The following SCGB1A1 variants were observed in gnomAD, a reference collection of about 807,000 sequenced individuals.
SCGB1A1 encodes uteroglobin.
SCGB1A1 carries 8 observed loss-of-function variants against 7.5 expected under a neutral mutation model. The observed-to-expected ratio is 1.07, with a 90% confidence interval of 0.63 to 1.92. SCGB1A1 has a LOEUF of 1.92. Ranked by LOEUF, SCGB1A1 falls within the 30% of genes most tolerant of loss-of-function variation. The pLI, the probability that SCGB1A1 is intolerant of heterozygous loss-of-function variation, is 0.00. For synonymous variants in SCGB1A1, 44 were observed against 40.8 expected (o/e 1.08, Z -0.30); for missense variants, 121 against 112.7 (o/e 1.07, Z -0.33).
chr11:62,422,562 C>A (rs1052116027), intron 2 of SCGB1A1, among the ~76,000 whole-genome samples, 154 bp downstream of exon 2: 2 of 147,770 alleles, frequency 1.4e-5, no homozygotes, highest in Non-Finnish European at 3.0e-5. Context: ...TTCTAGACAT[C>A]TCCTCTTCCT....
intron 2 of SCGB1A1, 103 bp from the exon 3 acceptor site, chr11:62,422,956 C>A: frequency 9.2e-7 from 1 of 1,082,438 alleles, no homozygotes. Context: ...GACTGCACCT[C>A]TCGGTTAATG....
chr11:62,420,406 C>T (rs1333928278), intron 1 of SCGB1A1, among the ~76,000 whole-genome samples: 2 of 150,662 alleles, frequency 1.3e-5, no homozygotes, highest in Admixed American at 6.6e-5. Context: ...CTCCGCCTCC[C>T]GGGTTCAAGC....
At position 62,422,231 on chromosome 11, in the gene SCGB1A1, G is replaced by C. The variant is rs1398625301; in HGVS notation, c.66G>C (p.Glu22Asp). 9 of 1,611,768 alleles carry C rather than the reference G, an allele frequency of 5.6e-6. No individual in the cohort carries two copies. The highest frequency in any genetic ancestry group is 7.6e-6 in the Non-Finnish European group (9 of 1,178,454). Residue 22 changes from glutamate (E) to aspartate (D), a missense_variant, in exon 2 of 3, where the codon GAG (glutamate) becomes GAC (aspartate). By Grantham distance (45) the Glu-to-Asp change is conservative. Coordinates refer to ENST00000278282, the MANE Select transcript of SCGB1A1 (RefSeq NM_003357.5). ...TCCTCTGTGTTGCAGCTTCTGCAGAGATCTGCCCGAGCTTTCAGCGTGTCA... is the reference window on the plus strand; with the variant it reads ...TCCTCTGTGTTGCAGCTTCTGCAGACATCTGCCCGAGCTTTCAGCGTGTCA... ...LALCCSSASA[E>D]ICPSFQRVIE...
In SCGB1A1 at chr11:62,419,070, G is replaced by C; in HGVS notation, c.-26G>C. On this transcript the variant is annotated 5_prime_UTR_variant, in exon 1 of 3. Coordinates refer to ENST00000278282, the MANE Select transcript of SCGB1A1 (RefSeq NM_003357.5). Reference sequence around the variant, plus strand: ...CAGACTCAGAGACGGAACCAGAGACGGGCCAGAGCATCCCCCTCCTCCACC... The same window carrying C: ...CAGACTCAGAGACGGAACCAGAGACCGGCCAGAGCATCCCCCTCCTCCACC... The C allele has an allele frequency of 6.4e-7, 1 of 1,566,764 alleles. No individual in the cohort carries two copies. The highest frequency in any genetic ancestry group is 8.7e-7 in the Non-Finnish European group (1 of 1,153,672).
intron 1 of SCGB1A1, among the ~76,000 whole-genome samples, chr11:62,420,263 C>A (rs966278694): frequency 6.6e-6 from 1 of 151,704 alleles, no homozygotes; most frequent in Non-Finnish European, 1.5e-5. Flanking sequence ...ACACTTACTT[C>A]ACACAATGTG....
At position 62,422,339 on chromosome 11, in the gene SCGB1A1, A is replaced by T; in HGVS notation, c.174A>T (p.Ala58=). ...LFSPDQDMRE[A]GAQLKKLVDT... is the part of the protein sequence containing the mutation. ...GCCCTGATCAAGACATGAGGGAGGC[A>T]GGGGCTCAGCTGAAGAAGCTGGTGG... The change falls in exon 2 of 3, where the codon GCA becomes GCT. Residue 58 remains alanine (A), a synonymous_variant. Transcript: ENST00000278282. 1 of 1,614,138 alleles carries T rather than the reference A, an allele frequency of 6.2e-7. No individual in the cohort carries two copies. The highest frequency in any genetic ancestry group is 8.5e-7 in the Non-Finnish European group (1 of 1,180,004).
rs747129839 is a variant in SCGB1A1, at chr11:62,419,067, G to A, written c.-29G>A. ...CACCAGACTCAGAGACGGAACCAGA[G>A]ACGGGCCAGAGCATCCCCCTCCTCC... On this transcript the variant is annotated 5_prime_UTR_variant, in exon 1 of 3. Coordinates refer to ENST00000278282, the MANE Select transcript of SCGB1A1 (RefSeq NM_003357.5). 1.3e-6 allele frequency: 2 copies of A among 1,571,726 alleles called. No individual in the cohort carries two copies. The highest frequency in any genetic ancestry group is 8.6e-7 in the Non-Finnish European group (1 of 1,156,292).
intron 2 of SCGB1A1, 75 bp downstream of exon 2, chr11:62,422,483 C>T: frequency 7.5e-7 from 1 of 1,337,108 alleles, no homozygotes; most frequent in Non-Finnish European, 1.0e-6. Flanking sequence ...CCCCAGTTTT[C>T]AGACCTGTTT....
At chr11:62,422,605 C>T (rs1410449292) in intron 2 of SCGB1A1, among the ~76,000 whole-genome samples, 197 bp downstream of exon 2, 5 of 133,572 alleles carry the variant, frequency 3.7e-5, no homozygotes, top group South Asian at 2.3e-4. Context: ...GACAGAGTCT[C>T]GCTCTGTCGC....
chr11:62,422,171 A>G, intron 1 of SCGB1A1, 50 bp from the exon 2 acceptor site: 5 of 1,525,042 alleles, frequency 3.3e-6, no homozygotes, highest in Non-Finnish European at 3.6e-6. Context: ...AGGGCTAGCC[A>G]GCTTGGAAAG....
At chr11:62,422,436 G>A in intron 2 of SCGB1A1, 28 bp downstream of exon 2, 1 of 1,568,458 alleles carries the variant, frequency 6.4e-7, no homozygotes, top group Non-Finnish European at 8.7e-7. Context: ...CGTCACACTG[G>A]TTAGAAGTGG....
rs765488223 is a variant in SCGB1A1, at chr11:62,423,075, G to A, written c.260G>A (p.Ser87Asn). ...TTGTTTTAGGAAAAAATAGCCCAAA[G>A]CTCACTGTGTAATTAGCATTTAGAA... ...IIKLMEKIAQ[S>N]SLCN The change falls in exon 3 of 3, where the codon AGC (serine) becomes AAC (asparagine). Residue 87 changes from serine to asparagine, a missense_variant. By Grantham distance (46) the Ser-to-Asn change is conservative (BLOSUM62 1). Coordinates refer to ENST00000278282, the MANE Select transcript of SCGB1A1 (RefSeq NM_003357.5). 1.9e-6 allele frequency: 3 copies of A among 1,613,974 alleles called. No homozygotes were observed. The highest frequency in any genetic ancestry group is 1.7e-5 in the Admixed American group (1 of 59,990).
chr11:62,422,598 A>G (rs1186436656), intron 2 of SCGB1A1, among the ~76,000 whole-genome samples, 190 bp downstream of exon 2: 3 of 130,506 alleles, frequency 2.3e-5, no homozygotes, highest in Non-Finnish European at 3.1e-5. Context: ...TTTTTGAGAC[A>G]GAGTCTCGCT....
At chr11:62,419,201 A>AC (rs781496734) in intron 1 of SCGB1A1, 51 bp downstream of exon 1, 24 of 1,359,970 alleles carry the variant, frequency 1.8e-5, no homozygotes, top group Non-Finnish European at 2.2e-5. Flanking sequence ...AACTCTCAGG[A>AC]CCCCCCAGTT....
intron 1 of SCGB1A1, among the ~76,000 whole-genome samples, chr11:62,421,491 T>TCTTGCTTGATTG (rs141646900): frequency 2.2e-3 from 327 of 148,850 alleles, no homozygotes; most frequent in African/African-American, 7.9e-3. Context: ...TTTTCTTTTC[T>TCTTGCTTGATTG]CTTGCTTGCT....
At chr11:62,421,489 TC>T (rs1937790041) in intron 1 of SCGB1A1, among the ~76,000 whole-genome samples, 2 of 141,232 alleles carry the variant, frequency 1.4e-5, no homozygotes, top group Non-Finnish European at 3.1e-5. Flanking sequence ...CTTTTTCTTT[TC>T]TCTTGCTTGC....
At position 62,422,291 on chromosome 11, in the gene SCGB1A1, T is replaced by G. The variant is rs761781717; in HGVS notation, c.126T>G (p.Tyr42Ter). Residue 42 changes from tyrosine (Y) to a stop codon, truncating the protein, a stop_gained, in exon 2 of 3, where the codon TAT (tyrosine) becomes TAG (stop). Transcript: ENST00000278282. LOFTEE classifies it high-confidence loss of function. ...TCCTCATGGACACACCCTCCAGTTATGAGGCTGCCATGGAACTTTTCAGCC... is the reference window on the plus strand; with the variant it reads ...TCCTCATGGACACACCCTCCAGTTAGGAGGCTGCCATGGAACTTTTCAGCC... Reference protein sequence around the residue: ...ETLLMDTPSSYEAAMELFSPD... With the variant: ...ETLLMDTPSS The G allele has an allele frequency of 1.9e-6, 3 of 1,614,108 alleles. No individual in the cohort carries two copies. The highest frequency in any genetic ancestry group is 1.7e-5 in the Admixed American group (1 of 60,016).
chr11:62,422,669 G>T (rs1937831198), intron 2 of SCGB1A1, among the ~76,000 whole-genome samples: 1 of 146,888 alleles, frequency 6.8e-6, no homozygotes, highest in Non-Finnish European at 1.5e-5. Flanking sequence ...CCACCTCCCA[G>T]GTTCAAGCGA....
chr11:62,422,203 C>G lies in SCGB1A1; in HGVS notation c.56-18C>G. 6.3e-7 allele frequency: 1 copy of G among 1,589,186 alleles called. No homozygotes were observed. ...AAAGGGGCCTGGAGACATGTGCCTT[C>G]TCTCCTCTGTGTTGCAGCTTCTGCA... On this transcript the variant is annotated intron_variant, in intron 1 of 2. Coordinates refer to ENST00000278282, the MANE Select transcript of SCGB1A1 (RefSeq NM_003357.5).
Sources: gnomAD v4.1 joint callset for allele counts (sites outside exome capture counted in the v4.1 genomes callset) on GRCh38, gnomAD v4.1.1 for gene constraint, MANE v1.5 for transcripts, NCBI Gene and HGNC (gene_info 2026-07-23, HGNC 2026-07-21) for gene names.